The following CHRM3 variants were observed in gnomAD, a reference collection of about 807,000 sequenced individuals.
CHRM3 encodes cholinergic receptor muscarinic 3.
In CHRM3, 11 loss-of-function variants were observed where a neutral mutation model predicts 41.8. The ratio of observed to expected loss-of-function variants is 0.26; its 90% CI spans 0.17 to 0.44. The LOEUF (loss-of-function observed/expected upper bound fraction) is 0.44. CHRM3 is among the 20% of genes least tolerant of loss of function. CHRM3 has a pLI of 1.00. For synonymous variants in CHRM3, 297 were observed against 301.4 expected, an observed-to-expected ratio of 0.99 and a Z score of 0.15; for missense variants, 571 against 745.4, an observed-to-expected ratio of 0.77 and a Z score of 2.72.
At chr1:239,742,785 GA>G (rs1422061263) in intron 5 of CHRM3, among the ~76,000 whole-genome samples, 1 of 152,168 alleles carries the variant, frequency 6.6e-6, no homozygotes, top group Non-Finnish European at 1.5e-5. Flanking sequence ...TGAAAACTGG[GA>G]AAACAAGAGC....
intron 6 of CHRM3, among the ~76,000 whole-genome samples, chr1:239,874,427 G>T (rs1676943520): frequency 2.0e-5 from 3 of 149,630 alleles, no homozygotes; most frequent in Non-Finnish European, 3.0e-5. Context: ...AGTATTTGAG[G>T]GATGTGAAAC....
chr1:239,864,116 A>G (rs370176987), intron 6 of CHRM3, among the ~76,000 whole-genome samples: 1 of 151,508 alleles, frequency 6.6e-6, no homozygotes, highest in Non-Finnish European at 1.5e-5. Context: ...GAGATGGCAC[A>G]TGCCTGTCAT....
intron 5 of CHRM3, among the ~76,000 whole-genome samples, chr1:239,768,501 G>GAATTAAT (rs534708082): frequency 0.75 from 113,683 of 152,104 alleles, 42,988 homozygotes; most frequent in African/African-American, 0.81. Context: ...AATAAACATG[G>GAATTAAT]TGAAAATTAA....
intron 3 of CHRM3, among the ~76,000 whole-genome samples, chr1:239,574,216 C>T (rs1432630380): frequency 6.6e-6 from 1 of 152,130 alleles, no homozygotes; most frequent in African/African-American, 2.4e-5. Flanking sequence ...GAGAGTGATA[C>T]CCCTATACTC....
intron 3 of CHRM3, among the ~76,000 whole-genome samples, chr1:239,618,705 G>A (rs374273272): frequency 1.2e-4 from 18 of 150,716 alleles, no homozygotes; most frequent in Middle Eastern, 3.4e-3. Context: ...TTAGCTGGGC[G>A]TGGTGGCAGC....
chr1:239,523,566 C>T (rs1231441735), intron 2 of CHRM3, among the ~76,000 whole-genome samples: 1 of 152,112 alleles, frequency 6.6e-6, no homozygotes, highest in Non-Finnish European at 1.5e-5. Context: ...AAATGTTTTA[C>T]GTTGTTTCTT....
At chr1:239,771,832 A>G (rs1421863196) in intron 5 of CHRM3, among the ~76,000 whole-genome samples, 1 of 152,214 alleles carries the variant, frequency 6.6e-6, no homozygotes, top group Non-Finnish European at 1.5e-5. Context: ...TTAGATAAAT[A>G]TGCAGATATG....
intron 1 of CHRM3, among the ~76,000 whole-genome samples, chr1:239,403,976 G>GGAGAGAGAGAGAGAGGGA (rs1660205540): frequency 4.3e-5 from 2 of 46,488 alleles, no homozygotes; most frequent in Admixed American, 3.7e-4. Context: ...AGAGGGAGGG[G>GGAGAGAGAGAGAGAGGGA]GAGAGAGAGA....
intron 6 of CHRM3, among the ~76,000 whole-genome samples, chr1:239,857,502 T>TTG (rs1233338363): frequency 2.4e-4 from 37 of 151,986 alleles, no homozygotes; most frequent in Admixed American, 2.4e-3. Context: ...GTGTCTGTGT[T>TTG]TGTGTGTGTG....
chr1:239,636,338 G>A (rs920419822), intron 4 of CHRM3, among the ~76,000 whole-genome samples: 6 of 152,074 alleles, frequency 3.9e-5, no homozygotes, highest in South Asian at 2.1e-4. Flanking sequence ...AAAATATCCC[G>A]TGAAACAAAA....
intron 3 of CHRM3, among the ~76,000 whole-genome samples, chr1:239,611,475 C>T (rs1261409623): frequency 8.0e-6 from 1 of 124,774 alleles, no homozygotes; most frequent in Non-Finnish European, 1.6e-5. Context: ...GGCTAGAGTG[C>T]TGTGGCGCGA....
At chr1:239,499,505 A>G (rs1668087964) in intron 2 of CHRM3, among the ~76,000 whole-genome samples, 1 of 152,198 alleles carries the variant, frequency 6.6e-6, no homozygotes, top group Non-Finnish European at 1.5e-5. Context: ...AAACTTGGAA[A>G]GGTTGACTGG....
chr1:239,755,027 C>G (rs2148606622), intron 5 of CHRM3, among the ~76,000 whole-genome samples: 1 of 152,304 alleles, frequency 6.6e-6, no homozygotes, highest in Middle Eastern at 3.4e-3. Flanking sequence ...CCTGTTTCAT[C>G]AAAGCTTACA....
chr1:239,536,281 A>G (rs1658187487), intron 2 of CHRM3, among the ~76,000 whole-genome samples: 1 of 152,194 alleles, frequency 6.6e-6, no homozygotes, highest in African/African-American at 2.4e-5. Context: ...CCTCCATTCT[A>G]TAATTTACTT....
At chr1:239,482,665 C>T (rs1356825888) in intron 1 of CHRM3, among the ~76,000 whole-genome samples, 1 of 152,154 alleles carries the variant, frequency 6.6e-6, no homozygotes, top group Non-Finnish European at 1.5e-5. Flanking sequence ...GTAGAATTCT[C>T]TCATTACACT....
chr1:239,611,370 A>G (rs6685121), intron 3 of CHRM3, among the ~76,000 whole-genome samples: 16,797 of 151,416 alleles, frequency 0.11, 1,168 homozygotes, highest in South Asian at 0.21. Flanking sequence ...TATTTTGTCA[A>G]CAGACAATCT....
chr1:239,452,530 C>T (rs1664628225), intron 1 of CHRM3, among the ~76,000 whole-genome samples: 1 of 152,188 alleles, frequency 6.6e-6, no homozygotes, highest in African/African-American at 2.4e-5. Context: ...TCAATTTTCA[C>T]TGTAACCAAT....
intron 5 of CHRM3, among the ~76,000 whole-genome samples, chr1:239,818,519 C>T (rs1020954689): frequency 1.3e-5 from 2 of 152,196 alleles, no homozygotes; most frequent in African/African-American, 4.8e-5. Flanking sequence ...TGGAGTCCTG[C>T]TCTCAGTGCA....
chr1:239,669,248 T>C (rs184854427), intron 4 of CHRM3, among the ~76,000 whole-genome samples: 210 of 152,306 alleles, frequency 1.4e-3, no homozygotes, highest in South Asian at 4.1e-3. Flanking sequence ...TCCAATATTC[T>C]TTCCCTTTTA....
Sources: allele counts gnomAD v4.1 joint callset (sites outside exome capture counted in the v4.1 genomes callset), GRCh38; gene constraint gnomAD v4.1.1; transcripts MANE v1.5; gene names NCBI Gene and HGNC (gene_info 2026-07-23, HGNC 2026-07-21).